Variants in SLC13A3 observed in about 807,000 individuals in gnomAD.
SLC13A3 encodes Na(+)/dicarboxylate cotransporter 3.
Under a neutral mutation model 59.0 loss-of-function variants are expected in SLC13A3, and 40 were observed. The ratio of observed to expected loss-of-function variants is 0.68; its 90% CI spans 0.53 to 0.88. The LOEUF is 0.88. Among genes scored for constraint, SLC13A3 ranks in the 40% least tolerant of loss-of-function variants. The probability of loss-of-function intolerance (pLI) is 0.00; values close to 1 mark genes in which losing one functional copy is unlikely to be tolerated. For missense variants in SLC13A3, 699 were observed against 783.2 expected, an observed-to-expected ratio of 0.89 and a Z score of 1.28; for synonymous variants, 317 against 330.3, an observed-to-expected ratio of 0.96 and a Z score of 0.44.
intron 6 of SLC13A3, among the ~76,000 whole-genome samples, chr20:46,589,581 T>C (rs1000256130): frequency 1.3e-5 from 2 of 152,228 alleles, no homozygotes; most frequent in Admixed American, 6.5e-5. Flanking sequence ...AATGGGAATT[T>C]AGTCTATAAT....
In SLC13A3 at chr20:46,608,912, C is replaced by T. The variant is rs189918823; in HGVS notation, c.541+1534G>A. The stretch of plus-strand genomic sequence containing the variant: ...GGTGCCATCATATTCACATTCCACC[C>T]GGCAGGAAGGACAGAACCCGGAAGT... On this transcript the variant is annotated intron_variant, in intron 3 of 12. Coordinates refer to ENST00000279027, the MANE Select transcript of SLC13A3 (RefSeq NM_022829.6). 2,633 of 1,550,776 alleles carry T rather than the reference C, an allele frequency of 1.7e-3. 10 individuals are homozygous for T. The highest frequency in any genetic ancestry group is 1.2e-3 in the Non-Finnish European group (1,418 of 1,147,026).
intron 9 of SLC13A3, among the ~76,000 whole-genome samples, chr20:46,580,139 A>T (rs2062121127): frequency 6.6e-6 from 1 of 152,136 alleles, no homozygotes; most frequent in Admixed American, 6.6e-5. Context: ...TATTTTTAGT[A>T]GAGACAGGGT....
At chr20:46,636,474 T>A (rs978820003) in intron 1 of SLC13A3, among the ~76,000 whole-genome samples, 1 of 152,232 alleles carries the variant, frequency 6.6e-6, no homozygotes, top group African/African-American at 2.4e-5. Flanking sequence ...TCCCTTTTGA[T>A]TCCATAATCA....
intron 1 of SLC13A3, among the ~76,000 whole-genome samples, chr20:46,663,067 G>T (rs1297031407): frequency 6.6e-6 from 1 of 152,122 alleles, no homozygotes; most frequent in Non-Finnish European, 1.5e-5. Context: ...AGGTAGGATT[G>T]CTTGAGACCA....
At chr20:46,562,159 G>A (rs2061936918) in intron 12 of SLC13A3, among the ~76,000 whole-genome samples, 1 of 152,166 alleles carries the variant, frequency 6.6e-6, no homozygotes. Flanking sequence ...CCAGCCAGCA[G>A]CCAAAATGAT....
rs1241285118 is a variant in SLC13A3 at position 46,613,718 on chromosome 20, C to T, written c.119G>A (p.Arg40His). The part of the protein sequence containing the change: ...VVFALPPKEG[R>H]CLFVILLMAV... ...CATGAGCAGGATGACAAACAAGCAG[C>T]GGCCTTCCTGCAGGAGGAGATGCAT... is the stretch of plus-strand genomic sequence containing the variant. Residue 40 changes from arginine to histidine, a missense_variant, in exon 2 of 13, where the codon CGC becomes CAC. Coordinates refer to ENST00000279027, the MANE Select transcript of SLC13A3 (RefSeq NM_022829.6). 11 of 1,596,026 alleles carry T rather than the reference C, an allele frequency of 6.9e-6. No homozygotes were observed. Among genetic ancestry groups the T allele is most frequent in the Non-Finnish European group, 7.7e-6 (9 of 1,170,400 alleles).
At chr20:46,667,832 T>C (rs889178353) in intron 1 of SLC13A3, among the ~76,000 whole-genome samples, 6 of 152,252 alleles carry the variant, frequency 3.9e-5, no homozygotes, top group Admixed American at 1.3e-4. Context: ...TCCAACAGCA[T>C]GTGCTCACTT....
At chr20:46,632,913 A>AGACAGACAGATAGC (rs1369865976) in intron 1 of SLC13A3, among the ~76,000 whole-genome samples, 1,802 of 56,000 alleles carry the variant, frequency 0.032, 56 homozygotes, top group Middle Eastern at 0.056. Flanking sequence ...AGATAGATAT[A>AGACAGACAGATAGC]TCTATCTATC....
intron 3 of SLC13A3, among the ~76,000 whole-genome samples, chr20:46,603,681 C>T (rs1568931727): frequency 6.6e-6 from 1 of 151,938 alleles, no homozygotes; most frequent in African/African-American, 2.4e-5. Flanking sequence ...AACTACCACG[C>T]CTGGGCTGAA....
At chr20:46,599,938 C>T in intron 4 of SLC13A3, 33 bp downstream of exon 4, 2 of 1,492,782 alleles carry the variant, frequency 1.3e-6, no homozygotes, top group Admixed American at 1.8e-5. Context: ...GAATCAAGCA[C>T]TGGGTCCTCT....
rs1195575266 is a variant in SLC13A3, at chr20:46,559,967, T to G, written c.*55A>C. ...TGTTTTGTAGTGTCCTAGCAGCAGG[T>G]GATGGTGACAGCCCTTTGAGAGGGT... On this transcript the variant is annotated 3_prime_UTR_variant, in exon 13 of 13. Coordinates refer to ENST00000279027, the MANE Select transcript of SLC13A3 (RefSeq NM_022829.6). 5.9e-6 allele frequency: 9 copies of G among 1,517,104 alleles called. No individual in the cohort carries two copies. The highest frequency in any genetic ancestry group is 8.2e-6 in the Non-Finnish European group (9 of 1,097,202). The allele number at this position is 1,517,104 out of a possible 1,614,324, so 94.0% of individuals were successfully genotyped here. A position where few individuals can be genotyped will look rare whatever the true frequency, so the allele number is the denominator to read the frequency against.
At chr20:46,624,944 C>A (rs1014497259) in intron 1 of SLC13A3, among the ~76,000 whole-genome samples, 1 of 151,990 alleles carries the variant, frequency 6.6e-6, no homozygotes, top group South Asian at 2.1e-4. Flanking sequence ...GGAAAAAAAA[C>A]CCAAGGGAAG....
intron 11 of SLC13A3, among the ~76,000 whole-genome samples, chr20:46,565,165 T>G (rs899667409): frequency 6.6e-6 from 1 of 152,216 alleles, no homozygotes; most frequent in Non-Finnish European, 1.5e-5. Flanking sequence ...CCTGATCATG[T>G]GTATATTGTT....
At chr20:46,640,918 G>A (rs1045166099) in intron 1 of SLC13A3, among the ~76,000 whole-genome samples, 2 of 152,128 alleles carry the variant, frequency 1.3e-5, no homozygotes, top group Non-Finnish European at 2.9e-5. Context: ...TGGAAGTCAC[G>A]CCAGCCTGTT....
chr20:46,615,974 G>A (rs2062550208), intron 1 of SLC13A3, among the ~76,000 whole-genome samples: 2 of 152,072 alleles, frequency 1.3e-5, no homozygotes, highest in Admixed American at 6.5e-5. Flanking sequence ...ATTTCCTGGG[G>A]GCCAGAGAAG....
At chr20:46,623,177 A>T (rs1324250402) in intron 1 of SLC13A3, among the ~76,000 whole-genome samples, 1 of 152,216 alleles carries the variant, frequency 6.6e-6, no homozygotes, top group Non-Finnish European at 1.5e-5. Flanking sequence ...AATGGAATAC[A>T]ATGGTTGAGA....
intron 3 of SLC13A3, chr20:46,600,590 G>A (rs879207014): frequency 4.3e-6 from 2 of 464,128 alleles, no homozygotes; most frequent in South Asian, 3.2e-5. Context: ...AGGCTTACCT[G>A]AGCAGCCATT....
intron 8 of SLC13A3, chr20:46,585,260 G>A (rs568483296): frequency 9.3e-6 from 9 of 971,102 alleles, no homozygotes; most frequent in Non-Finnish European, 1.1e-5. Context: ...ATGAAGATAT[G>A]TGTGCGTATC....
chr20:46,673,322 C>A (rs2063103375), upstream of SLC13A3, among the ~76,000 whole-genome samples: 1 of 152,150 alleles, frequency 6.6e-6, no homozygotes, highest in Admixed American at 6.5e-5. Context: ...GGTCATCAGC[C>A]CAGTTATGGA....
Sources: allele counts gnomAD v4.1 joint callset (sites outside exome capture counted in the v4.1 genomes callset), GRCh38; gene constraint gnomAD v4.1.1; transcripts MANE v1.5; gene names NCBI Gene and HGNC (gene_info 2026-07-23, HGNC 2026-07-21).